MAPK6: variants seen among roughly 807,000 people sequenced by gnomAD.
MAPK6 encodes the protein ERK-3.
A neutral mutation model predicts 59.3 loss-of-function variants in MAPK6; 19 were observed. The observed-to-expected ratio is 0.32, with a 90% CI of 0.22 to 0.47. The LOEUF (loss-of-function observed/expected upper bound fraction) is 0.47. MAPK6 is among the 20% of genes least tolerant of loss of function. MAPK6 has a pLI of 1.00. For missense variants in MAPK6, 724 were observed against 847.9 expected (o/e 0.85, Z 1.81); for synonymous variants, 316 against 290.3 (o/e 1.09, Z -0.90).
chr15:51,979,169 AAAGG>A (rs1006720175), intron 1 of MAPK6, among the ~76,000 whole-genome samples: 5 of 149,104 alleles, frequency 3.4e-5, no homozygotes, highest in South Asian at 2.1e-4. Flanking sequence ...AGAAGGAAGG[AAAGG>A]AAGGAAGGAA....
At chr15:52,033,354 G>A (rs770805558) in intron 1 of MAPK6, among the ~76,000 whole-genome samples, 3 of 152,116 alleles carry the variant, frequency 2.0e-5, no homozygotes, top group Non-Finnish European at 4.4e-5. Context: ...CCATCCAATT[G>A]GCTGCCACCG....
At chr15:51,994,301 A>G (rs921791939) in intron 2 of MAPK6, among the ~76,000 whole-genome samples, 2 of 152,166 alleles carry the variant, frequency 1.3e-5, no homozygotes, top group African/African-American at 4.8e-5. Flanking sequence ...AAAAGGAACC[A>G]GGGCCCCTTG....
chr15:52,030,039 C>T (rs2030966788), intron 1 of MAPK6, among the ~76,000 whole-genome samples: 1 of 152,176 alleles, frequency 6.6e-6, no homozygotes, highest in Non-Finnish European at 1.5e-5. Flanking sequence ...ACCTCCTTTC[C>T]TTTGCCCTTT....
rs1325093806 is a variant in MAPK6 at position 52,064,137 on chromosome 15, TATTGTGATCTGGAGTGTAGCCATA to T, written c.1304_1327del (p.Tyr435_Thr443delinsSer). 2 of 1,612,498 alleles carry T rather than the reference TATTGTGATCTGGAGTGTAGCCATA, an allele frequency of 1.2e-6. No individual in the cohort carries two copies. Among genetic ancestry groups the T allele is most frequent in the Non-Finnish European group, 1.7e-6 (2 of 1,179,198 alleles). On this transcript the variant is annotated inframe_deletion, in exon 6 of 6. Transcript: ENST00000261845. The stretch of plus-strand genomic sequence containing the variant: ...ATACTCAGATCATCATGAAAACAAA[TATTGTGATCTGGAGTGTAGCCATA>T]CTTGTAACTACAAAACGAGGTCATC...
At chr15:52,027,695 C>CA (rs2030856440) in intron 1 of MAPK6, 2 of 149,626 alleles carry the variant, frequency 1.3e-5, no homozygotes, top group African/African-American at 4.9e-5. Context: ...GACTCGGCCT[C>CA]AAAAAGTGCT....
intron 1 of MAPK6, among the ~76,000 whole-genome samples, chr15:52,020,472 C>T (rs1484444222): frequency 2.0e-5 from 3 of 150,296 alleles, no homozygotes; most frequent in African/African-American, 7.4e-5. Context: ...TTTTTTTTAA[C>T]GGATACAGAT....
intron 1 of MAPK6, among the ~76,000 whole-genome samples, chr15:52,031,437 T>G (rs947644575): frequency 6.6e-6 from 1 of 152,182 alleles, no homozygotes; most frequent in African/African-American, 2.4e-5. Context: ...AAAGATTATA[T>G]TTTGCCTATT....
At chr15:51,988,903 T>C (rs1434342106) in intron 2 of MAPK6, among the ~76,000 whole-genome samples, 1 of 152,148 alleles carries the variant, frequency 6.6e-6, no homozygotes, top group East Asian at 1.9e-4. Context: ...CTTCAGCCTC[T>C]GGTGGCTGTT....
intron 2 of MAPK6, among the ~76,000 whole-genome samples, chr15:51,994,455 C>T (rs1005657163): frequency 6.6e-6 from 1 of 152,012 alleles, no homozygotes; most frequent in African/African-American, 2.4e-5. Context: ...AATTTAGGTT[C>T]GTCTGAGGTT....
At chr15:52,055,257 T>C (rs1459957166) in intron 3 of MAPK6, among the ~76,000 whole-genome samples, 1 of 152,040 alleles carries the variant, frequency 6.6e-6, no homozygotes, top group African/African-American at 2.4e-5. Flanking sequence ...AAAACAAAAA[T>C]GTAGCTGGGT....
intron 2 of MAPK6, among the ~76,000 whole-genome samples, chr15:51,986,935 A>G (rs1298505963): frequency 6.6e-6 from 1 of 152,196 alleles, no homozygotes; most frequent in Non-Finnish European, 1.5e-5. Context: ...ATCTATGTGC[A>G]TGTTGCCAAA....
chr15:52,047,307 T>C (rs186096922), intron 2 of MAPK6, among the ~76,000 whole-genome samples: 1 of 152,302 alleles, frequency 6.6e-6, no homozygotes, highest in Non-Finnish European at 1.5e-5. Context: ...TCTTCTTTCT[T>C]TGGGACAGAA....
At position 52,026,135 on chromosome 15, in the gene MAPK6, G is replaced by C. The variant is rs1046555428; in HGVS notation, c.-632+6759G>C. Among the ~76,000 whole-genome samples the C allele has an allele frequency of 5.0e-4, 76 of 152,266 alleles. 1 individual carries two copies. Among genetic ancestry groups the C allele is most frequent in the Middle Eastern group, 3.4e-3 (1 of 294 alleles). ...AAAAGTAGCTATTAAGTTTTCCTTA[G>C]TTATCCTGTGGAAAGCATTGGCAGG... On this transcript the variant is annotated intron_variant, in intron 1 of 5. Transcript: ENST00000261845.
At chr15:52,060,722 C>A (rs937181662) in intron 4 of MAPK6, among the ~76,000 whole-genome samples, 1 of 152,108 alleles carries the variant, frequency 6.6e-6, no homozygotes, top group Non-Finnish European at 1.5e-5. Context: ...TGTGCAAGGT[C>A]AGTGTGTGAA....
upstream of MAPK6, among the ~76,000 whole-genome samples, chr15:52,014,452 T>C (rs942395574): frequency 1.3e-5 from 2 of 152,218 alleles, no homozygotes; most frequent in African/African-American, 4.8e-5. Context: ...GGCTCATCCC[T>C]GTAATCCCAG....
At chr15:52,015,631 C>A (rs1046513099), upstream of MAPK6, among the ~76,000 whole-genome samples, 1 of 151,412 alleles carries the variant, frequency 6.6e-6, no homozygotes, top group Admixed American at 6.6e-5. Flanking sequence ...CGCCACCACG[C>A]CCGGCTAATT....
chr15:51,996,788 G>C (rs559798183), intron 2 of MAPK6, among the ~76,000 whole-genome samples: 2 of 149,910 alleles, frequency 1.3e-5, no homozygotes, highest in Non-Finnish European at 3.0e-5. Context: ...CAACTCCTGG[G>C]CTCAAATGAT....
chr15:51,998,026 C>T (rs1306044263), intron 2 of MAPK6, among the ~76,000 whole-genome samples: 2 of 152,092 alleles, frequency 1.3e-5, no homozygotes, highest in Non-Finnish European at 2.9e-5. Context: ...TCACTGCAAC[C>T]TCTACCTCCC....
intron 3 of MAPK6, among the ~76,000 whole-genome samples, chr15:52,010,131 AG>A (rs1428740021): frequency 6.6e-6 from 1 of 152,196 alleles, no homozygotes; most frequent in African/African-American, 2.4e-5. Context: ...AGAAAATGAT[AG>A]AACGTTTGTA....
Sources: gnomAD v4.1 joint callset for allele counts (sites outside exome capture counted in the v4.1 genomes callset) on GRCh38, gnomAD v4.1.1 for gene constraint, MANE v1.5 for transcripts, NCBI Gene and HGNC (gene_info 2026-07-23, HGNC 2026-07-21) for gene names.